The following AP4E1 variants were observed in gnomAD, a reference collection of about 807,000 sequenced individuals.
AP4E1 encodes AP-4 complex subunit epsilon-1.
Under a neutral mutation model 128.2 loss-of-function variants are expected in AP4E1, and 56 were observed. The observed-to-expected ratio is 0.44, with a 90% CI of 0.35 to 0.55. AP4E1 has a LOEUF of 0.55. AP4E1 is among the 20% of genes least tolerant of loss of function. The probability of loss-of-function intolerance (pLI) is 0.00; values close to 1 mark genes in which losing one functional copy is unlikely to be tolerated. For missense variants in AP4E1, 1,324 were observed against 1,307.7 expected (o/e 1.01, Z -0.19); for synonymous variants, 484 against 473.1 (o/e 1.02, Z -0.30).
chr15:50,961,429 C>T (rs2064312144), intron 14 of AP4E1, among the ~76,000 whole-genome samples: 1 of 151,720 alleles, frequency 6.6e-6, no homozygotes, highest in Non-Finnish European at 1.5e-5. Flanking sequence ...GGAATTTTCC[C>T]AGAAATGCAA....
chr15:50,948,339 CTTTT>C (rs66467957), intron 11 of AP4E1, among the ~76,000 whole-genome samples, 180 bp downstream of exon 11: 6 of 122,056 alleles, frequency 4.9e-5, no homozygotes, highest in Non-Finnish European at 6.9e-5. Flanking sequence ...TAGGAGATGG[CTTTT>C]TTTTTTTTTT....
At chr15:50,934,349 A>C (rs887017318) in intron 7 of AP4E1, among the ~76,000 whole-genome samples, 1 of 152,100 alleles carries the variant, frequency 6.6e-6, no homozygotes, top group Non-Finnish European at 1.5e-5. Flanking sequence ...TGTTCAACCA[A>C]ATAAAAACTT....
At chr15:50,918,850 G>C (rs983516352) in intron 3 of AP4E1, among the ~76,000 whole-genome samples, 11 of 152,040 alleles carry the variant, frequency 7.2e-5, no homozygotes, top group African/African-American at 2.7e-4. Flanking sequence ...TTGGGTGGAT[G>C]TACCATAGTT....
chr15:50,995,108 C>G (rs551973187), intron 17 of AP4E1, among the ~76,000 whole-genome samples: 65 of 152,058 alleles, frequency 4.3e-4, no homozygotes, highest in Non-Finnish European at 5.1e-4. Flanking sequence ...ACTTCTCAGC[C>G]CCGACCCTTC....
At chr15:50,998,727 TAG>T (rs2064916113) in intron 18 of AP4E1, among the ~76,000 whole-genome samples, 1 of 152,280 alleles carries the variant, frequency 6.6e-6, no homozygotes, top group African/African-American at 2.4e-5. Flanking sequence ...AGAATGAGAA[TAG>T]ATGACATCTG....
At chr15:50,950,840 A>G (rs1469039270) in intron 13 of AP4E1, among the ~76,000 whole-genome samples, 4 of 152,094 alleles carry the variant, frequency 2.6e-5, no homozygotes, top group Admixed American at 6.5e-5. Flanking sequence ...CTCATTGTTC[A>G]GCTCCCACTT....
At chr15:50,951,179 G>A (rs1427892777) in intron 13 of AP4E1, among the ~76,000 whole-genome samples, 1 of 152,240 alleles carries the variant, frequency 6.6e-6, no homozygotes, top group African/African-American at 2.4e-5. Context: ...GTCTCACAGG[G>A]TTGCAGTGAA....
At chr15:50,988,825 A>G (rs767354113) in intron 16 of AP4E1, among the ~76,000 whole-genome samples, 1 of 152,176 alleles carries the variant, frequency 6.6e-6, no homozygotes, top group Non-Finnish European at 1.5e-5. Flanking sequence ...GAAGCTGTAT[A>G]CTTTGCTGAA....
At chr15:50,983,522 C>T (rs898297631) in intron 15 of AP4E1, among the ~76,000 whole-genome samples, 1 of 152,054 alleles carries the variant, frequency 6.6e-6, no homozygotes, top group Admixed American at 6.6e-5. Context: ...TTTCTTGGCT[C>T]TTATTGAATT....
intron 6 of AP4E1, 39 bp from the exon 7 acceptor site, chr15:50,930,766 A>T: frequency 6.2e-7 from 1 of 1,600,668 alleles, no homozygotes; most frequent in Non-Finnish European, 8.6e-7. Flanking sequence ...CTATTTAATA[A>T]GACGTTATTA....
At chr15:50,961,863 TG>T (rs1438507725) in intron 14 of AP4E1, among the ~76,000 whole-genome samples, 2 of 151,482 alleles carry the variant, frequency 1.3e-5, no homozygotes, top group Non-Finnish European at 3.0e-5. Flanking sequence ...CCTAAAGACT[TG>T]AACAAAAAGT....
chr15:50,934,222 T>C (rs1210889900), intron 7 of AP4E1, among the ~76,000 whole-genome samples: 1 of 152,074 alleles, frequency 6.6e-6, no homozygotes, highest in Non-Finnish European at 1.5e-5. Flanking sequence ...TTGAAAACTT[T>C]TTCATGGTAT....
chr15:50,941,467 A>G lies in AP4E1; in HGVS notation c.969A>G (p.Thr323=), dbSNP rs2063986493. 2 of 1,613,030 alleles carry G rather than the reference A, an allele frequency of 1.2e-6. No individual in the cohort carries two copies. The highest frequency in any genetic ancestry group is 1.3e-5 in the African/African-American group (1 of 75,036). The change falls in exon 9 of 21, where the codon ACA becomes ACG. Residue 323 remains threonine, a synonymous_variant. Coordinates refer to ENST00000261842, the MANE Select transcript of AP4E1 (RefSeq NM_007347.5). ...CTATTTTGTTTGAATGTGTGCATAC[A>G]GTCTATTCTATTTATCCTAAATCGG... is the stretch of plus-strand genomic sequence containing the variant. The part of the protein sequence containing the change: ...TYAILFECVH[T]VYSIYPKSEL...
intron 19 of AP4E1, 46 bp downstream of exon 19, chr15:50,999,308 T>TTGA: frequency 6.5e-7 from 1 of 1,527,766 alleles, no homozygotes; most frequent in Non-Finnish European, 9.0e-7. Context: ...ATTCACCAAC[T>TTGA]ATTTTTTAGA....
chr15:50,940,381 A>G (rs1397328369), intron 8 of AP4E1, among the ~76,000 whole-genome samples: 1 of 152,186 alleles, frequency 6.6e-6, no homozygotes, highest in African/African-American at 2.4e-5. Flanking sequence ...AATTTGAGAA[A>G]AAGACAGAGG....
intron 8 of AP4E1, 52 bp from the exon 9 acceptor site, chr15:50,941,390 G>T: frequency 6.3e-7 from 1 of 1,584,178 alleles, no homozygotes. Context: ...CAAATACATT[G>T]TTTTGTTATA....
At chr15:50,981,296 A>G (rs1337351209) in intron 15 of AP4E1, among the ~76,000 whole-genome samples, 1 of 152,194 alleles carries the variant, frequency 6.6e-6, no homozygotes. Context: ...TGGAGTCAAG[A>G]TAGATAATTC....
chr15:50,916,702 A>G (rs2063635085), intron 3 of AP4E1, among the ~76,000 whole-genome samples: 1 of 152,200 alleles, frequency 6.6e-6, no homozygotes, highest in Admixed American at 6.5e-5. Context: ...AAACACACTT[A>G]GATCTTTTAA....
intron 15 of AP4E1, among the ~76,000 whole-genome samples, chr15:50,981,915 G>T (rs147818316): frequency 6.6e-6 from 1 of 151,764 alleles, no homozygotes; most frequent in African/African-American, 2.4e-5. Context: ...GAGAAACCAC[G>T]TCTCTACTAA....
Sources: allele counts gnomAD v4.1 joint callset (sites outside exome capture counted in the v4.1 genomes callset), GRCh38; gene constraint gnomAD v4.1.1; transcripts MANE v1.5; gene names NCBI Gene and HGNC (gene_info 2026-07-23, HGNC 2026-07-21).